CAPRIN1: variants seen among roughly 807,000 people sequenced by gnomAD.
The protein encoded by CAPRIN1 is cell cycle associated protein 1.
In CAPRIN1, 29 loss-of-function variants were observed where a neutral mutation model predicts 100.9. The ratio of observed to expected loss-of-function variants is 0.29; its 90% confidence interval spans 0.21 to 0.39. The LOEUF (loss-of-function observed/expected upper bound fraction) is 0.39, where lower values mean the gene tolerates loss of function less well. Ranked by LOEUF, CAPRIN1 falls within the 10% of genes least tolerant of loss-of-function variation. CAPRIN1 has a pLI of 1.00. For missense variants in CAPRIN1, 795 were observed against 876.7 expected, an observed-to-expected ratio of 0.91 and a Z score of 1.18; for synonymous variants, 338 against 307.5, an observed-to-expected ratio of 1.10 and a Z score of -1.04.
chr11:34,067,320 A>G (rs1165038422), intron 2 of CAPRIN1, among the ~76,000 whole-genome samples: 2 of 152,138 alleles, frequency 1.3e-5, no homozygotes, highest in Admixed American at 1.3e-4. Context: ...AATTCTGTAA[A>G]AGAGTCTTGA....
chr11:34,067,130 A>G lies in CAPRIN1; in HGVS notation c.217-4596A>G, dbSNP rs990615014. ...TTTTTAGTAGAGACGAGATTTTGTC[A>G]TGTTGACCAAGATGGTCTTGAACTC... On this transcript the variant is annotated intron_variant, in intron 2 of 18. Transcript: ENST00000341394. Among the ~76,000 whole-genome samples the G allele has an allele frequency of 2.0e-5, 3 of 152,154 alleles. No homozygotes were observed. The East Asian group carries it at 5.8e-4, about 29-fold the overall frequency.
At chr11:34,075,081 T>C (rs1224126632) in intron 4 of CAPRIN1, among the ~76,000 whole-genome samples, 1 of 152,104 alleles carries the variant, frequency 6.6e-6, no homozygotes, top group African/African-American at 2.4e-5. Context: ...ACAGTCTCAC[T>C]GTTTCACCCA....
At chr11:34,092,358 C>CT (rs1216471251) in intron 15 of CAPRIN1, among the ~76,000 whole-genome samples, 5,332 of 139,358 alleles carry the variant, frequency 0.038, 104 homozygotes, top group African/African-American at 0.064. Context: ...ATAAAGTGTA[C>CT]TTTTTTTTTT....
chr11:34,061,797 C>A (rs1472216810), intron 2 of CAPRIN1, among the ~76,000 whole-genome samples: 1 of 151,530 alleles, frequency 6.6e-6, no homozygotes, highest in African/African-American at 2.4e-5. Flanking sequence ...ATGGTGAAAC[C>A]CCGTCTCTAC....
rs192971338 is a variant in CAPRIN1 at position 34,090,865 on chromosome 11, A to C, written c.1554+187A>C. Among the ~76,000 whole-genome samples the C allele has an allele frequency of 2.0e-4, 30 of 152,336 alleles. 1 individual carries two copies. Among genetic ancestry groups the C allele is most frequent in the African/African-American group, 5.8e-4 (24 of 41,568 alleles). ...ACTGATACTAACGGATATTCTAGAG[A>C]TAAATTTTAGCCTTATGAGTGATGT... On this transcript the variant is annotated intron_variant, in intron 14 of 18. Transcript: ENST00000341394.
At chr11:34,073,381 T>C (rs893590358) in intron 4 of CAPRIN1, among the ~76,000 whole-genome samples, 1 of 152,218 alleles carries the variant, frequency 6.6e-6, no homozygotes, top group Non-Finnish European at 1.5e-5. Flanking sequence ...AAAGTGGTAA[T>C]AATAACCTCA....
chr11:34,097,218 T>C lies in CAPRIN1; in HGVS notation c.1923T>C (p.Pro641=). The C allele has an allele frequency of 1.2e-6, 2 of 1,613,062 alleles. No homozygotes were observed. The highest frequency in any genetic ancestry group is 1.7e-6 in the Non-Finnish European group (2 of 1,179,022). Residue 641 remains proline (P), a synonymous_variant, in exon 17 of 19, where the codon CCT becomes CCC. Transcript: ENST00000341394. The part of the protein sequence containing the change: ...GFRGGYDGYR[P]SFSNTPNSGY... The stretch of plus-strand genomic sequence containing the variant: ...TAGGAGGATATGATGGTTACCGCCC[T>C]TCATTCTCTAACACTCCAAACAGTG...
intron 14 of CAPRIN1, chr11:34,091,688 C>T: frequency 2.7e-6 from 1 of 376,618 alleles, no homozygotes; most frequent in Non-Finnish European, 4.7e-6. Flanking sequence ...TTCCATTTCA[C>T]AGCATATTAT....
chr11:34,098,547 A>G, intron 18 of CAPRIN1: 2 of 985,416 alleles, frequency 2.0e-6, no homozygotes, highest in Non-Finnish European at 2.4e-6. Context: ...CATGTATAAA[A>G]TGTGTGTTAA....
intron 2 of CAPRIN1, among the ~76,000 whole-genome samples, chr11:34,059,734 A>G (rs1850535055): frequency 6.6e-6 from 1 of 152,178 alleles, no homozygotes; most frequent in Non-Finnish European, 1.5e-5. Context: ...GTTAAAATGG[A>G]TTAATCCATG....
chr11:34,079,433 A>G (rs1386091754), intron 6 of CAPRIN1, among the ~76,000 whole-genome samples, 195 bp from the exon 7 acceptor site: 1 of 152,218 alleles, frequency 6.6e-6, no homozygotes, highest in African/African-American at 2.4e-5. Flanking sequence ...GTAAAGTTTA[A>G]TATAACTACA....
chr11:34,089,118 T>C (rs530606880), intron 11 of CAPRIN1, among the ~76,000 whole-genome samples: 6 of 150,842 alleles, frequency 4.0e-5, no homozygotes, highest in Middle Eastern at 3.4e-3. Flanking sequence ...AAAATACAAA[T>C]ATTATCCGAG....
chr11:34,071,760 A>G lies in CAPRIN1; in HGVS notation c.251A>G (p.Lys84Arg). 2 of 1,611,506 alleles carry G rather than the reference A, an allele frequency of 1.2e-6. No individual in the cohort carries two copies. Among genetic ancestry groups the G allele is most frequent in the Non-Finnish European group, 1.7e-6 (2 of 1,178,250 alleles). ...GATGATTACCAGGAACGAATGAACA[A>G]AGGGGAAAGGCTTAATCAAGATCAG... ...KLDDYQERMN[K>R]GERLNQDQLD... Residue 84 changes from lysine to arginine, a missense_variant, in exon 3 of 19, where the codon AAA (lysine) becomes AGA (arginine). Physicochemically the swap from Lys to Arg is conservative, Grantham distance 26. Around this residue, in one of 3 missense-constraint regions of CAPRIN1, gnomAD observed 38 missense variants for 92.3 expected, o/e 0.41. Transcript: ENST00000341394.
At chr11:34,099,007 T>C in intron 18 of CAPRIN1, 1 of 1,258,096 alleles carries the variant, frequency 7.9e-7, no homozygotes, top group Non-Finnish European at 1.0e-6. Context: ...CAACGCTTGA[T>C]GATGGTGCCT....
At chr11:34,054,872 A>G (rs1378491719) in intron 2 of CAPRIN1, among the ~76,000 whole-genome samples, 9 of 152,240 alleles carry the variant, frequency 5.9e-5, no homozygotes, top group Admixed American at 5.9e-4. Context: ...TAATGTGTTA[A>G]TACTAATTAT....
intron 18 of CAPRIN1, chr11:34,098,137 C>T (rs1590750238): frequency 1.0e-6 from 1 of 1,003,394 alleles, no homozygotes; most frequent in East Asian, 9.8e-5. Flanking sequence ...TTTATTATTC[C>T]TCTTTCATTT....
At chr11:34,098,703 G>A (rs561200838) in intron 18 of CAPRIN1, 2 of 985,066 alleles carry the variant, frequency 2.0e-6, no homozygotes, top group African/African-American at 3.5e-5. Context: ...TGTGGGTTAT[G>A]TTCTTTCCCA....
At chr11:34,087,775 T>G (rs1851177318) in intron 11 of CAPRIN1, among the ~76,000 whole-genome samples, 1 of 152,334 alleles carries the variant, frequency 6.6e-6, no homozygotes, top group East Asian at 1.9e-4. Context: ...TGTGTGAAAG[T>G]CAGTATACAT....
intron 2 of CAPRIN1, chr11:34,052,863 TA>T: frequency 7.0e-7 from 1 of 1,420,824 alleles, no homozygotes. Flanking sequence ...CGCGGCACTG[TA>T]CCCCAGGCCT....
Sources: gnomAD v4.1 joint callset for allele counts (sites outside exome capture counted in the v4.1 genomes callset) on GRCh38, gnomAD v4.1.1 for gene constraint, gnomAD v4.1.1 regional missense constraint, MANE v1.5 for transcripts, NCBI Gene and HGNC (gene_info 2026-07-23, HGNC 2026-07-21) for gene names.